Variants in MPDZ observed in about 807,000 individuals in gnomAD.
MPDZ encodes multiple PDZ domain protein.
Under a neutral mutation model 239.1 loss-of-function variants are expected in MPDZ, and 234 were observed. The ratio of observed to expected loss-of-function variants is 0.98; its 90% CI spans 0.88 to 1.09. MPDZ has a LOEUF of 1.09. MPDZ is among the 50% of genes least tolerant of loss of function. The pLI is 0.00. For synonymous variants in MPDZ, 1,048 were observed against 881.3 expected (o/e 1.19, Z -3.35); for missense variants, 3,175 against 2,510.0 (o/e 1.26, Z -5.66).
intron 27 of MPDZ, 56 bp from the exon 28 acceptor site, chr9:13,140,205 A>G: frequency 6.5e-7 from 1 of 1,544,862 alleles, no homozygotes. Flanking sequence ...GAAAACTTCA[A>G]GAAGAAGAAA....
intron 6 of MPDZ, 86 bp downstream of exon 6, chr9:13,222,147 G>C: frequency 9.5e-7 from 1 of 1,057,062 alleles, no homozygotes; most frequent in Non-Finnish European, 1.4e-6. Flanking sequence ...GAAGTGCAAA[G>C]ACCCTACACA....
chr9:13,256,854 T>C (rs1476184493), intron 1 of MPDZ, among the ~76,000 whole-genome samples: 2 of 152,168 alleles, frequency 1.3e-5, no homozygotes, highest in Non-Finnish European at 2.9e-5. Context: ...CCAATAGACT[T>C]GCTTGACACA....
chr9:13,148,891 A>G (rs989843176), intron 25 of MPDZ, among the ~76,000 whole-genome samples: 1 of 152,078 alleles, frequency 6.6e-6, no homozygotes, highest in Non-Finnish European at 1.5e-5. Context: ...AACGCACAAA[A>G]AAGTTCTTTC....
intron 12 of MPDZ, among the ~76,000 whole-genome samples, chr9:13,204,829 A>G (rs1010761764): frequency 7.9e-5 from 12 of 152,204 alleles, no homozygotes; most frequent in African/African-American, 2.7e-4. Context: ...TGAACGATAA[A>G]CAAAAGTATA....
At chr9:13,255,919 A>C (rs1407913280) in intron 1 of MPDZ, among the ~76,000 whole-genome samples, 1 of 152,198 alleles carries the variant, frequency 6.6e-6, no homozygotes, top group Non-Finnish European at 1.5e-5. Context: ...CTTTGAAGCC[A>C]GACATTGACT....
At chr9:13,120,864 G>A (rs1944237089) in intron 38 of MPDZ, among the ~76,000 whole-genome samples, 1 of 152,070 alleles carries the variant, frequency 6.6e-6, no homozygotes, top group Non-Finnish European at 1.5e-5. Flanking sequence ...CCCAAGAAAT[G>A]ACAAAATAAA....
intron 3 of MPDZ, among the ~76,000 whole-genome samples, chr9:13,244,761 G>C (rs1172287056): frequency 6.6e-6 from 1 of 152,082 alleles, no homozygotes; most frequent in Non-Finnish European, 1.5e-5. Flanking sequence ...TTATTGAATA[G>C]AAGTAATGAG....
rs1954692794 is a variant in MPDZ, at chr9:13,190,097, A to G, written c.2154+17T>C. Reference sequence around the variant, plus strand: ...ACAATAGGCCTTTAAAAATTGTTAAAAGTAGTATATACTTACCTGATAATC... The same window carrying G: ...ACAATAGGCCTTTAAAAATTGTTAAGAGTAGTATATACTTACCTGATAATC... On this transcript the variant is annotated intron_variant, in intron 16 of 46. Coordinates refer to ENST00000319217, the MANE Select transcript of MPDZ (RefSeq NM_001378778.1). 6.2e-7 allele frequency: 1 copy of G among 1,603,290 alleles called. No individual in the cohort carries two copies.
In MPDZ at chr9:13,185,220, T is replaced by G. The variant is rs866184665; in HGVS notation, c.2481+1050A>C. On this transcript the variant is annotated intron_variant, in intron 18 of 46. Transcript: ENST00000319217. ...AGTATTACAGTGTGAAATTATTGCA[T>G]TTATTATAACATATACCAAAACTTT... Among the ~76,000 whole-genome samples the G allele has an allele frequency of 1.8e-4, 27 of 152,160 alleles. No homozygotes were observed. The Middle Eastern group carries it at 0.031, about 173-fold the overall frequency.
chr9:13,203,518 C>T (rs534650098), intron 12 of MPDZ, among the ~76,000 whole-genome samples: 1 of 152,232 alleles, frequency 6.6e-6, no homozygotes, highest in Non-Finnish European at 1.5e-5. Flanking sequence ...AAAGTCTAAA[C>T]CTCTGATCTT....
chr9:13,192,196 C>T lies in MPDZ; in HGVS notation c.1903G>A (p.Val635Met), dbSNP rs1193784415. 7.4e-6 allele frequency: 12 copies of T among 1,611,116 alleles called. No homozygotes were observed. The highest frequency in any genetic ancestry group is 1.3e-5 in the African/African-American group (1 of 74,968). Residue 635 changes from valine (V) to methionine (M), a missense_variant, in exon 15 of 47, where the codon GTG becomes ATG. By Grantham distance (21) the Val-to-Met change is conservative. Transcript: ENST00000319217. ...AATTCTGATTGGGTGGTGGGTGGCACAGTTCGACGACAGCACACCATTGTC... is the reference window on the plus strand; with the variant it reads ...AATTCTGATTGGGTGGTGGGTGGCATAGTTCGACGACAGCACACCATTGTC... ...EVTMVCCRRTVPPTTQSELDS... is the reference protein window; with the variant it reads ...EVTMVCCRRTMPPTTQSELDS...
chr9:13,128,981 T>C (rs1945519617), intron 32 of MPDZ, among the ~76,000 whole-genome samples: 1 of 152,222 alleles, frequency 6.6e-6, no homozygotes. Context: ...GTTGCTGACC[T>C]GAGTCCATAA....
intron 1 of MPDZ, among the ~76,000 whole-genome samples, chr9:13,263,639 T>C (rs1004124401): frequency 2.0e-5 from 3 of 152,322 alleles, no homozygotes; most frequent in East Asian, 1.9e-4. Context: ...CTGCTTCTAA[T>C]TTTACCAAGC....
At chr9:13,136,036 A>C in intron 31 of MPDZ, 56 bp downstream of exon 31, 1 of 1,147,256 alleles carries the variant, frequency 8.7e-7, no homozygotes, top group Non-Finnish European at 1.3e-6. Context: ...TGATTGAATT[A>C]ATAAGGCTCA....
Position 13,224,482 on chromosome 9 carries a change from TAATA to T in MPDZ, c.281_284del (p.Leu94TyrfsTer41). ...CTTCCAGATTCCCATTGTTTGGGGA[TAATA>T]AAAACGATTCATTTTGCAGAGTAGG... On this transcript the variant is annotated frameshift_variant, in exon 4 of 47. Transcript: ENST00000319217. LOFTEE classifies it high-confidence loss of function. 6.2e-7 allele frequency: 1 copy of T among 1,612,926 alleles called. No individual in the cohort carries two copies. Among genetic ancestry groups the T allele is most frequent in the Non-Finnish European group, 8.5e-7 (1 of 1,179,250 alleles).
rs1189489243 is a variant in MPDZ, at chr9:13,206,075, A to C, written c.1315T>G (p.Phe439Val). ...ACCTCTACTGCTTGCTGATTAGTAA[A>C]ACCCTGAAGGTTTGTGCCATCTACC... ...IAVDGTNLQGFTNQQAVEVLR... is the reference protein window; with the variant it reads ...IAVDGTNLQGVTNQQAVEVLR... Residue 439 changes from phenylalanine (F) to valine (V), a missense_variant, in exon 11 of 47, where the codon TTT becomes GTT. Phe to Val is a conservative substitution (Grantham distance 50). Coordinates refer to ENST00000319217, the MANE Select transcript of MPDZ (RefSeq NM_001378778.1). 7 of 1,610,812 alleles carry C rather than the reference A, an allele frequency of 4.3e-6. No individual in the cohort carries two copies. The highest frequency in any genetic ancestry group is 1.3e-5 in the African/African-American group (1 of 74,632).
At chr9:13,189,029 T>C in intron 16 of MPDZ, 36 bp from the exon 17 acceptor site, 1 of 1,580,008 alleles carries the variant, frequency 6.3e-7, no homozygotes, top group Non-Finnish European at 8.6e-7. Flanking sequence ...CAGCTCATTT[T>C]ACAAAGAAAA....
chr9:13,156,909 A>G (rs1277820284), intron 24 of MPDZ, among the ~76,000 whole-genome samples: 1 of 152,152 alleles, frequency 6.6e-6, no homozygotes, highest in Non-Finnish European at 1.5e-5. Context: ...CCTGTTCTCA[A>G]TGTAGGCAGC....
intron 23 of MPDZ, among the ~76,000 whole-genome samples, chr9:13,160,437 C>T (rs1433851258): frequency 6.6e-6 from 1 of 152,126 alleles, no homozygotes; most frequent in Non-Finnish European, 1.5e-5. Context: ...TTGGAGGAAG[C>T]ACAGTGCTCA....
Sources: gnomAD v4.1 joint callset for allele counts (sites outside exome capture counted in the v4.1 genomes callset) on GRCh38, gnomAD v4.1.1 for gene constraint, MANE v1.5 for transcripts, NCBI Gene and HGNC (gene_info 2026-07-23, HGNC 2026-07-21) for gene names.